Variants in DDHD2 observed in about 807,000 individuals in gnomAD.
The protein encoded by DDHD2 is DDHD domain containing 2.
In DDHD2, 62 loss-of-function variants were observed where a neutral mutation model predicts 91.2. That is an observed-to-expected ratio of 0.68 (90% CI 0.55 to 0.84). The LOEUF (loss-of-function observed/expected upper bound fraction) is 0.84. Among genes scored for constraint, DDHD2 ranks in the 40% least tolerant of loss-of-function variants. DDHD2 has a pLI of 0.00. For synonymous variants in DDHD2, 271 were observed against 293.9 expected, an observed-to-expected ratio of 0.92 and a Z score of 0.80; for missense variants, 740 against 846.9, an observed-to-expected ratio of 0.87 and a Z score of 1.57.
intron 7 of DDHD2, among the ~76,000 whole-genome samples, chr8:38,243,247 GT>G (rs1200449380): frequency 2.0e-5 from 3 of 152,166 alleles, no homozygotes; most frequent in Non-Finnish European, 4.4e-5. Flanking sequence ...TTAACTGGAT[GT>G]TAGATTTTGT....
At chr8:38,270,765 A>G (rs1421718313) in intron 1 of DDHD2, 1 of 152,234 alleles carries the variant, frequency 6.6e-6, no homozygotes, top group Non-Finnish European at 1.5e-5. Flanking sequence ...TGAATAAATG[A>G]CTTTGGCATC....
intron 16 of DDHD2, 28 bp from the exon 17 acceptor site, chr8:38,260,012 T>C (rs1011612643): frequency 6.8e-7 from 1 of 1,466,618 alleles, no homozygotes; most frequent in African/African-American, 1.4e-5. Flanking sequence ...TTAGTTCCTT[T>C]TCTCAACATA....
At chr8:38,233,662 C>T (rs538438455) in intron 2 of DDHD2, among the ~76,000 whole-genome samples, 1 of 151,998 alleles carries the variant, frequency 6.6e-6, no homozygotes, top group East Asian at 1.9e-4. Context: ...GGCACAGTGG[C>T]TCACACCTGT....
intron 16 of DDHD2, among the ~76,000 whole-genome samples, chr8:38,258,477 G>A (rs1806716820): frequency 6.6e-6 from 1 of 151,978 alleles, no homozygotes; most frequent in African/African-American, 2.4e-5. Context: ...GGTCTCGAAC[G>A]CCTGACCTCA....
chr8:38,267,387 G>C (rs773079258), downstream of DDHD2: 15 of 1,613,156 alleles, frequency 9.3e-6, no homozygotes, highest in Middle Eastern at 1.2e-3. Context: ...AAATCTGGGC[G>C]TGGCCTGGAA....
At chr8:38,257,423 A>T (rs1041159966) in intron 16 of DDHD2, among the ~76,000 whole-genome samples, 1 of 148,154 alleles carries the variant, frequency 6.7e-6, no homozygotes, top group African/African-American at 2.5e-5. Flanking sequence ...TAATTTTTGT[A>T]TTGTTAGTAG....
intron 1 of DDHD2, chr8:38,268,589 G>A (rs1808100422): frequency 3.4e-6 from 5 of 1,455,000 alleles, no homozygotes; most frequent in South Asian, 2.8e-5. Context: ...GCGCGTAACC[G>A]GGCGCCAGGC....
chr8:38,237,725 C>T lies in DDHD2; in HGVS notation c.501+98C>T, dbSNP rs575727374. ...TTGCTAAGCACTCTGTGTAGGATAA[C>T]CTTTGTCAAATTTTATATTGAATTC... On this transcript the variant is annotated intron_variant, in intron 4 of 17. Coordinates refer to ENST00000397166, the MANE Select transcript of DDHD2 (RefSeq NM_015214.3). 225 of 642,028 alleles carry T rather than the reference C, an allele frequency of 3.5e-4. 5 individuals are homozygous for T. In the South Asian group the frequency reaches 5.2e-3, roughly 15 times the overall value. The allele number at this position is 642,028 out of a possible 1,614,324, so 39.8% of individuals were successfully genotyped here.
downstream of DDHD2, chr8:38,264,799 G>A (rs1198409423): frequency 3.3e-6 from 5 of 1,520,998 alleles, no homozygotes; most frequent in Non-Finnish European, 4.4e-6. Flanking sequence ...TCATTGTCAG[G>A]TTGCTTTCTG....
downstream of DDHD2, among the ~76,000 whole-genome samples, chr8:38,265,264 CAAAAA>C (rs1228103198): frequency 1.4e-5 from 1 of 71,010 alleles, no homozygotes; most frequent in Non-Finnish European, 2.7e-5. Flanking sequence ...GACTCTGTCT[CAAAAA>C]AAAAAAAAAA....
Position 38,237,601 on chromosome 8 carries a change from G to A in DDHD2, c.475G>A (p.Glu159Lys), listed in dbSNP as rs1347121518. The A allele has an allele frequency of 4.4e-6, 7 of 1,586,028 alleles. No individual in the cohort carries two copies. The highest frequency in any genetic ancestry group is 3.4e-6 in the Non-Finnish European group (4 of 1,164,110). The change falls in exon 4 of 18, where the codon GAA becomes AAA. Residue 159 changes from glutamate to lysine, a missense_variant. Around this residue, in one of 2 missense-constraint regions of DDHD2, gnomAD observed 693 missense variants for 764.2 expected, o/e 0.91. Coordinates refer to ENST00000397166, the MANE Select transcript of DDHD2 (RefSeq NM_015214.3). ...WKKKLESPNR[E>K]IIILHNPKLM... ...AAAGAAACTGGAATCTCCCAACAGA[G>A]AAATTATTATTTTACACAATCCAAA...
At position 38,238,017 on chromosome 8, in the gene DDHD2, A is replaced by G; in HGVS notation, c.502-72A>G. On this transcript the variant is annotated intron_variant, in intron 4 of 17. Transcript: ENST00000397166. ...TGTGGTTTGAAAGACATGATTCTAC[A>G]CTTAAAACTGCATTGTATAGAGATG... 4 of 1,429,792 alleles carry G rather than the reference A, an allele frequency of 2.8e-6. No homozygotes were observed. In the South Asian group the frequency reaches 5.9e-5, roughly 21 times the overall value. 88.6% of individuals were successfully genotyped at this position (1,429,792 alleles called of 1,614,324 possible). A position where few individuals can be genotyped will look rare whatever the true frequency, so the allele number is the denominator to read the frequency against.
downstream of DDHD2, chr8:38,267,098 C>G (rs1296406133): frequency 2.1e-6 from 3 of 1,462,510 alleles, no homozygotes; most frequent in Non-Finnish European, 2.7e-6. Context: ...TAATATTTAC[C>G]CAAATAGTCA....
At chr8:38,263,606 T>C, downstream of DDHD2, 4 of 985,412 alleles carry the variant, frequency 4.1e-6, no homozygotes, top group Non-Finnish European at 4.8e-6. Context: ...TGGACTCAGA[T>C]AAGATGCACA....
At chr8:38,243,441 G>A (rs1159595234) in intron 7 of DDHD2, among the ~76,000 whole-genome samples, 1 of 151,922 alleles carries the variant, frequency 6.6e-6, no homozygotes, top group Non-Finnish European at 1.5e-5. Flanking sequence ...TTTTTGTTTT[G>A]TCTTTTTAGA....
chr8:38,268,913 T>C, intron 1 of DDHD2: 2 of 1,557,870 alleles, frequency 1.3e-6, no homozygotes, highest in South Asian at 2.4e-5. Flanking sequence ...ATACTCCGCC[T>C]CCACGTAGGG....
chr8:38,266,185 A>G (rs761573701), downstream of DDHD2: 9 of 1,614,032 alleles, frequency 5.6e-6, no homozygotes, highest in Non-Finnish European at 7.6e-6. Context: ...CAGTGCAATC[A>G]CAGCTGCAAA....
At chr8:38,270,630 C>CA (rs1360162035) in intron 1 of DDHD2, 1 of 152,210 alleles carries the variant, frequency 6.6e-6, no homozygotes, top group Non-Finnish European at 1.5e-5. Context: ...GGTCATCTGA[C>CA]AGATACTTGA....
intron 16 of DDHD2, among the ~76,000 whole-genome samples, chr8:38,257,275 G>C (rs1295843199): frequency 8.8e-6 from 1 of 114,084 alleles, no homozygotes. Flanking sequence ...TTGAGAAGGA[G>C]TCTCACTCTG....
Sources: gnomAD v4.1 joint callset for allele counts (sites outside exome capture counted in the v4.1 genomes callset) on GRCh38, gnomAD v4.1.1 for gene constraint, gnomAD v4.1.1 regional missense constraint, MANE v1.5 for transcripts, NCBI Gene and HGNC (gene_info 2026-07-23, HGNC 2026-07-21) for gene names.